The following CRY1 variants were observed in gnomAD, a reference collection of about 807,000 sequenced individuals.
The protein encoded by CRY1 is cryptochrome circadian regulator 1, also known as cryptochrome-1.
In CRY1, 45 loss-of-function variants were observed where a neutral mutation model predicts 76.0. That is an observed-to-expected ratio of 0.59 (90% CI 0.47 to 0.76). The LOEUF (loss-of-function observed/expected upper bound fraction) is 0.76, where lower values mean the gene tolerates loss of function less well. Ranked by LOEUF, CRY1 falls within the 30% of genes least tolerant of loss-of-function variation. CRY1 has a pLI of 0.00. For synonymous variants in CRY1, 248 were observed against 244.0 expected, an observed-to-expected ratio of 1.02 and a Z score of -0.15; for missense variants, 587 against 716.4, an observed-to-expected ratio of 0.82 and a Z score of 2.06.
At chr12:107,023,309 C>T (rs1952577725) in intron 1 of CRY1, among the ~76,000 whole-genome samples, 2 of 152,242 alleles carry the variant, frequency 1.3e-5, no homozygotes, top group South Asian at 4.1e-4. Context: ...CACATGTAGC[C>T]ATTTAAATTT....
At chr12:107,036,451 A>G (rs371202041) in intron 1 of CRY1, among the ~76,000 whole-genome samples, 14 of 152,210 alleles carry the variant, frequency 9.2e-5, no homozygotes, top group African/African-American at 3.4e-4. Flanking sequence ...CTGGCCTTCT[A>G]TCTGATCTCA....
In CRY1 at chr12:106,997,508, A is replaced by G; in HGVS notation, c.1472T>C (p.Leu491Pro). 6.2e-7 allele frequency: 1 copy of G among 1,614,034 alleles called. No homozygotes were observed. Among genetic ancestry groups the G allele is most frequent in the Non-Finnish European group, 8.5e-7 (1 of 1,179,992 alleles). ...CATACCTAGTCCTCTATATCGTGAA[A>G]GCTGCTGATAGATCTGTTTCATCCT... ...IERMKQIYQQ[L>P]SRYRGLGLLA... The change falls in exon 9 of 13, where the codon CTT (leucine) becomes CCT (proline). Residue 491 changes from leucine (L) to proline (P), a missense_variant. Leu to Pro is a moderately conservative substitution (Grantham distance 98). Coordinates refer to ENST00000008527, the MANE Select transcript of CRY1 (RefSeq NM_004075.5).
chr12:107,081,595 T>C (rs925480560), intron 1 of CRY1, among the ~76,000 whole-genome samples: 1 of 152,070 alleles, frequency 6.6e-6, no homozygotes, highest in African/African-American at 2.4e-5. Flanking sequence ...CCAGCATCAA[T>C]AATACTGCCT....
intron 1 of CRY1, among the ~76,000 whole-genome samples, chr12:107,037,060 T>G (rs967869734): frequency 9.2e-5 from 14 of 152,078 alleles, no homozygotes; most frequent in Admixed American, 6.5e-4. Context: ...ATTCACTACA[T>G]TCAATAAATA....
chr12:107,061,607 C>T (rs377039925), intron 1 of CRY1, among the ~76,000 whole-genome samples: 12 of 152,142 alleles, frequency 7.9e-5, no homozygotes, highest in African/African-American at 2.9e-4. Flanking sequence ...GTCTTGAACT[C>T]CTGACCTCAA....
rs1952194875 is a variant in CRY1, at chr12:106,992,894, C to A, written c.1658-4G>T. On this transcript the variant is annotated splice_region_variant and splice_polypyrimidine_tract_variant and intron_variant, in intron 11 of 12. Transcript: ENST00000008527. ...CCAGTGCCCATGGAGCTTCTTCCTG[C>A]ACATTTAAAAAATGTATGTTTAAGA... 1 of 1,613,856 alleles carries A rather than the reference C, an allele frequency of 6.2e-7. No individual in the cohort carries two copies. Among genetic ancestry groups the A allele is most frequent in the Admixed American group, 1.7e-5 (1 of 59,996 alleles).
rs529386467 is a variant in CRY1, at chr12:107,016,176, G to A, written c.267+5908C>T. 3.2e-4 allele frequency among the ~76,000 whole-genome samples: 49 copies of A among 152,120 alleles called. No homozygotes were observed. The South Asian group carries it at 0.01, about 32-fold the overall frequency. ...AATACAAAAATTAGCTGGGCATGGT[G>A]GCGCACTCCTGTAGTCCCAGCTACT... is the stretch of plus-strand genomic sequence containing the variant. On this transcript the variant is annotated intron_variant, in intron 2 of 12. Coordinates refer to ENST00000008527, the MANE Select transcript of CRY1 (RefSeq NM_004075.5).
chr12:107,066,350 T>C (rs931861403), intron 1 of CRY1, among the ~76,000 whole-genome samples: 4 of 152,262 alleles, frequency 2.6e-5, no homozygotes, highest in African/African-American at 9.6e-5. Flanking sequence ...CCCATCTTCA[T>C]TTCTCTATAT....
intron 1 of CRY1, among the ~76,000 whole-genome samples, chr12:107,048,738 T>A (rs11615698): frequency 6.6e-6 from 1 of 152,366 alleles, no homozygotes; most frequent in East Asian, 1.9e-4. Context: ...TCAGCTATCG[T>A]ATTTTTCATT....
intron 1 of CRY1, among the ~76,000 whole-genome samples, chr12:107,026,163 A>ATAT (rs1192221401): frequency 0.021 from 428 of 20,606 alleles, 37 homozygotes; most frequent in African/African-American, 0.11. Flanking sequence ...TATAAAATAT[A>ATAT]TATATATATA....
At chr12:107,019,365 G>GACT (rs1952528508) in intron 2 of CRY1, among the ~76,000 whole-genome samples, 1 of 152,054 alleles carries the variant, frequency 6.6e-6, no homozygotes. Flanking sequence ...ATTTTATACA[G>GACT]ACTACTATAT....
intron 1 of CRY1, among the ~76,000 whole-genome samples, chr12:107,079,937 C>T (rs182216839): frequency 3.7e-4 from 56 of 152,128 alleles, no homozygotes; most frequent in Non-Finnish European, 6.3e-4. Context: ...TGCTGTGTAG[C>T]GAATGAATTA....
chr12:107,012,477 T>C (rs904463026), intron 2 of CRY1, among the ~76,000 whole-genome samples: 5 of 152,238 alleles, frequency 3.3e-5, no homozygotes, highest in African/African-American at 7.2e-5. Flanking sequence ...CCTTTAAAAA[T>C]ATCACTGCTC....
chr12:107,082,749 T>A lies in CRY1; in HGVS notation c.158+10055A>T, dbSNP rs187326666. 1.4e-4 allele frequency among the ~76,000 whole-genome samples: 21 copies of A among 152,092 alleles called. No individual in the cohort carries two copies. The East Asian group carries it at 3.9e-3, about 28-fold the overall frequency. ...TGTCCATATCAGAAAGCAAGAAAGA[T>A]CTAAAATCGACACCCTAACATCACA... On this transcript the variant is annotated intron_variant, in intron 1 of 12. Transcript: ENST00000008527.
intron 1 of CRY1, among the ~76,000 whole-genome samples, chr12:107,074,678 C>T (rs549135259): frequency 2.8e-4 from 42 of 152,210 alleles, no homozygotes; most frequent in African/African-American, 9.9e-4. Context: ...TCATACAATT[C>T]TAGAACTAGA....
Position 107,072,908 on chromosome 12 carries a change from T to G in CRY1, c.158+19896A>C, listed in dbSNP as rs114516190. The stretch of plus-strand genomic sequence containing the variant: ...AGAAATGATCGTAAAATATTAAAAA[T>G]TTACATTAACACTTATATTTACTTA... On this transcript the variant is annotated intron_variant, in intron 1 of 12. Transcript: ENST00000008527. The G allele has an allele frequency of 2.6e-3, 389 of 152,206 alleles. 4 individuals are homozygous for G. Among genetic ancestry groups the G allele is most frequent in the African/African-American group, 8.7e-3 (362 of 41,558 alleles). 9.4% of individuals were successfully genotyped at this position (152,206 alleles called of 1,614,324 possible).
At chr12:107,078,437 C>T (rs1953283861) in intron 1 of CRY1, among the ~76,000 whole-genome samples, 3 of 152,034 alleles carry the variant, frequency 2.0e-5, no homozygotes, top group African/African-American at 7.3e-5. Context: ...TAATATGGCA[C>T]TCTCCTGGAT....
At chr12:106,995,819 C>T (rs193010322) in intron 10 of CRY1, among the ~76,000 whole-genome samples, 63 of 152,116 alleles carry the variant, frequency 4.1e-4, no homozygotes, top group Admixed American at 9.8e-4. Context: ...CCCTGCCCCC[C>T]CAACAGACCC....
intron 1 of CRY1, among the ~76,000 whole-genome samples, chr12:107,065,487 C>T (rs111617551): frequency 0.011 from 1,714 of 151,796 alleles, 41 homozygotes; most frequent in African/African-American, 0.039. Flanking sequence ...CCCAGCTACT[C>T]GGGAGACTGA....
Sources: gnomAD v4.1 joint callset for allele counts (sites outside exome capture counted in the v4.1 genomes callset) on GRCh38, gnomAD v4.1.1 for gene constraint, MANE v1.5 for transcripts, NCBI Gene and HGNC (gene_info 2026-07-23, HGNC 2026-07-21) for gene names.